PTPRH: variants seen among roughly 807,000 people sequenced by gnomAD.
The protein encoded by PTPRH is receptor-type tyrosine-protein phosphatase H.
In PTPRH, 113 loss-of-function variants were observed where a neutral mutation model predicts 130.2. The ratio of observed to expected loss-of-function variants is 0.87; its 90% CI spans 0.75 to 1.01. PTPRH has a LOEUF of 1.01. Among genes scored for constraint, PTPRH ranks in the 50% least tolerant of loss-of-function variants. PTPRH has a pLI of 0.00. For missense variants in PTPRH, 1,430 were observed against 1,425.0 expected (o/e 1.00, Z -0.06); for synonymous variants, 556 against 577.9 (o/e 0.96, Z 0.54).
chr19:55,186,603 C>T, intron 14 of PTPRH, 63 bp from the exon 15 acceptor site: 2 of 1,570,452 alleles, frequency 1.3e-6, no homozygotes, highest in Non-Finnish European at 8.8e-7. Context: ...GACAAGACCA[C>T]AGGCAGAGAG....
intron 9 of PTPRH, 44 bp from the exon 10 acceptor site, chr19:55,196,832 C>G: frequency 6.3e-7 from 1 of 1,586,606 alleles, no homozygotes; most frequent in East Asian, 2.3e-5. Context: ...TCCAAGGTGG[C>G]TTTCCACCCC....
At chr19:55,204,126 G>A in intron 4 of PTPRH, 78 bp from the exon 5 acceptor site, 10 of 1,445,270 alleles carry the variant, frequency 6.9e-6, no homozygotes, top group Middle Eastern at 2.0e-4. Flanking sequence ...CTTTTTGTTT[G>A]TTTGTTTTTT....
chr19:55,191,197 C>G (rs892906413), intron 12 of PTPRH, among the ~76,000 whole-genome samples: 2 of 152,192 alleles, frequency 1.3e-5, no homozygotes, highest in African/African-American at 4.8e-5. Flanking sequence ...GGGCAAGAAT[C>G]TTGGTTTCAT....
intron 10 of PTPRH, 55 bp from the exon 11 acceptor site, chr19:55,191,796 G>A (rs1358377490): frequency 6.9e-7 from 1 of 1,459,004 alleles, no homozygotes; most frequent in South Asian, 1.1e-5. Flanking sequence ...CTGCTCATCT[G>A]TCTCCAACCC....
At chr19:55,193,125 A>C (rs953058235) in intron 10 of PTPRH, among the ~76,000 whole-genome samples, 4 of 151,672 alleles carry the variant, frequency 2.6e-5, no homozygotes, top group Non-Finnish European at 1.5e-5. Context: ...ACTACTCAGG[A>C]GGCTGAGCAT....
At chr19:55,191,638 C>T (rs374044543) in intron 11 of PTPRH, 25 bp downstream of exon 11, 39 of 1,612,284 alleles carry the variant, frequency 2.4e-5, no homozygotes, top group Admixed American at 5.0e-5. Flanking sequence ...ACCCTCCAGG[C>T]GGTCAGCCCT....
intron 18 of PTPRH, among the ~76,000 whole-genome samples, 182 bp from the exon 19 acceptor site, chr19:55,182,333 C>T (rs565354329): frequency 1.3e-5 from 2 of 152,326 alleles, no homozygotes; most frequent in South Asian, 4.1e-4. Flanking sequence ...CCAGACCAGC[C>T]TGGCCAACCT....
intron 12 of PTPRH, among the ~76,000 whole-genome samples, chr19:55,188,427 C>T (rs2086430591): frequency 6.6e-6 from 1 of 152,188 alleles, no homozygotes; most frequent in Non-Finnish European, 1.5e-5. Flanking sequence ...GCAGAAGAAT[C>T]TCTTGAACCC....
intron 4 of PTPRH, among the ~76,000 whole-genome samples, 174 bp from the exon 5 acceptor site, chr19:55,204,222 C>T (rs564465044): frequency 6.6e-4 from 100 of 152,266 alleles, no homozygotes; most frequent in African/African-American, 2.0e-3. Flanking sequence ...CGGGTTCAAG[C>T]GATTCTCCTG....
chr19:55,195,538 AGTGGCCAGTCAC>A (rs1265558609), intron 10 of PTPRH, among the ~76,000 whole-genome samples: 1 of 152,134 alleles, frequency 6.6e-6, no homozygotes, highest in African/African-American at 2.4e-5. Context: ...GCTCAGTGAA[AGTGGCCAGTCAC>A]AAAGAAACAC....
Position 55,187,503 on chromosome 19 carries a change from C to G in PTPRH, c.2566+10G>C, listed in dbSNP as rs777735716. 6.2e-7 allele frequency: 1 copy of G among 1,608,222 alleles called. No homozygotes were observed. Among genetic ancestry groups the G allele is most frequent in the Non-Finnish European group, 8.5e-7 (1 of 1,175,160 alleles). On this transcript the variant is annotated intron_variant, in intron 14 of 19. Transcript: ENST00000376350. Reference sequence around the variant, plus strand: ...GGCTGGGACAAAAGCAGCAGGAACCCGAGACTCACAGGGCAGCACATTTCT... The same window carrying G: ...GGCTGGGACAAAAGCAGCAGGAACCGGAGACTCACAGGGCAGCACATTTCT...
Position 55,181,798 on chromosome 19 carries a change from A to G in PTPRH, c.3304T>C (p.Tyr1102His), listed in dbSNP as rs1167245906. 3.1e-6 allele frequency: 5 copies of G among 1,614,090 alleles called. No individual in the cohort carries two copies. The highest frequency in any genetic ancestry group is 1.7e-5 in the Admixed American group (1 of 60,010). ...VPYEDVENLI[Y>H]ENVAAIQAHK... Reference sequence around the variant, plus strand: ...GCCTGGATGGCGGCCACGTTCTCGTAGATGAGGTTTTCGACATCCTCATAC... The same window carrying G: ...GCCTGGATGGCGGCCACGTTCTCGTGGATGAGGTTTTCGACATCCTCATAC... The change falls in exon 20 of 20, where the codon TAC becomes CAC. Residue 1102 changes from tyrosine to histidine, a missense_variant. Transcript: ENST00000376350.
Position 55,187,565 on chromosome 19 carries a change from C to G in PTPRH, c.2514G>C (p.Val838=). ...TGGCGTTGTTCTCTGAAGCCGAAGC[C>G]ACCATCTGAGACTGGCTGTGGCCCA... The part of the protein sequence containing the change: ...SLVGHSQSQM[V]ASASENNAKN... The change falls in exon 14 of 20, where the codon GTG becomes GTC. Residue 838 remains valine, a synonymous_variant. Coordinates refer to ENST00000376350, the MANE Select transcript of PTPRH (RefSeq NM_002842.5). The G allele has an allele frequency of 6.2e-7, 1 of 1,613,458 alleles. No individual in the cohort carries two copies. The highest frequency in any genetic ancestry group is 1.1e-5 in the South Asian group (1 of 91,038).
At chr19:55,197,089 C>T in intron 9 of PTPRH, 28 bp downstream of exon 9, 2 of 1,609,638 alleles carry the variant, frequency 1.2e-6, no homozygotes, top group Non-Finnish European at 1.7e-6. Context: ...CCCAGTTCAC[C>T]ACTTGAAGGC....
chr19:55,201,419 G>A (rs1394368035), intron 6 of PTPRH, among the ~76,000 whole-genome samples: 1 of 152,208 alleles, frequency 6.6e-6, no homozygotes, highest in Non-Finnish European at 1.5e-5. Flanking sequence ...GGAGCTTTGT[G>A]TGGTGATGAA....
chr19:55,191,945 C>G lies in PTPRH; in HGVS notation c.2258-204G>C, dbSNP rs763983023. The G allele has an allele frequency of 7.1e-5, 48 of 671,708 alleles. No individual in the cohort carries two copies. In the African/African-American group the frequency reaches 8.3e-4, roughly 12 times the overall value. 41.6% of individuals were successfully genotyped at this position (671,708 alleles called of 1,614,324 possible). A position where few individuals can be genotyped will look rare whatever the true frequency, so the allele number is the denominator to read the frequency against. On this transcript the variant is annotated intron_variant, in intron 10 of 19. Coordinates refer to ENST00000376350, the MANE Select transcript of PTPRH (RefSeq NM_002842.5). ...TCCTCCACCCCTGAGACAGCAAGACCAGCCCCTCTCCTACCTCCTCCTCCT... is the reference window on the plus strand; with the variant it reads ...TCCTCCACCCCTGAGACAGCAAGACGAGCCCCTCTCCTACCTCCTCCTCCT...
rs917981634 is a variant in PTPRH at position 55,200,174 on chromosome 19, C to G, written c.1420+62G>C. The G allele has an allele frequency of 1.1e-5, 17 of 1,577,710 alleles. No individual in the cohort carries two copies. In the African/African-American group the frequency reaches 1.5e-4, roughly 14 times the overall value. On this transcript the variant is annotated intron_variant, in intron 7 of 19. Coordinates refer to ENST00000376350, the MANE Select transcript of PTPRH (RefSeq NM_002842.5). ...GAGCCAGAGCCCAGAAGAGGTGCCACGCCGCTCCTGCTGGTTCTTAACCTC... is the reference window on the plus strand; with the variant it reads ...GAGCCAGAGCCCAGAAGAGGTGCCAGGCCGCTCCTGCTGGTTCTTAACCTC...
Position 55,198,877 on chromosome 19 carries a change from A to C in PTPRH, c.1456T>G (p.Trp486Gly), listed in dbSNP as rs781014196. The C allele has an allele frequency of 3.0e-5, 46 of 1,535,776 alleles. No individual in the cohort carries two copies. The highest frequency in any genetic ancestry group is 4.0e-5 in the Non-Finnish European group (46 of 1,139,312). The change falls in exon 8 of 20, where the codon TGG (tryptophan) becomes GGG (glycine). Residue 486 changes from tryptophan to glycine, a missense_variant. By Grantham distance (184) the Trp-to-Gly change is radical (BLOSUM62 -2). Coordinates refer to ENST00000376350, the MANE Select transcript of PTPRH (RefSeq NM_002842.5). ...CGCAAAGCAATGGTGCTGTTGGTCC[A>C]GTCCTGCTTGCTGAGGCTTGTCACT... ...NAVTSLSKQDWTNSTIALRWT... is the reference protein window; with the variant it reads ...NAVTSLSKQDGTNSTIALRWT...
intron 10 of PTPRH, among the ~76,000 whole-genome samples, chr19:55,195,081 T>G (rs1223973855): frequency 6.6e-6 from 1 of 152,112 alleles, no homozygotes; most frequent in Non-Finnish European, 1.5e-5. Flanking sequence ...TCCCTGCACT[T>G]CAGGAGGCCG....
Sources: gnomAD v4.1 joint callset for allele counts (sites outside exome capture counted in the v4.1 genomes callset) on GRCh38, gnomAD v4.1.1 for gene constraint, MANE v1.5 for transcripts, NCBI Gene and HGNC (gene_info 2026-07-23, HGNC 2026-07-21) for gene names.